The following SRCIN1 variants were observed in gnomAD, a reference collection of about 807,000 sequenced individuals.
SRCIN1 encodes the protein P130Cas-associated protein.
Under a neutral mutation model 116.2 loss-of-function variants are expected in SRCIN1, and 50 were observed. That is an observed-to-expected ratio of 0.43 (90% CI 0.34 to 0.54). The LOEUF is 0.54. Among genes scored for constraint, SRCIN1 ranks in the 20% least tolerant of loss-of-function variants. The pLI is 0.02. For missense variants in SRCIN1, 1,446 were observed against 1,672.0 expected, an observed-to-expected ratio of 0.86 and a Z score of 2.36; for synonymous variants, 736 against 750.0, an observed-to-expected ratio of 0.98 and a Z score of 0.30.
intron 1 of SRCIN1, among the ~76,000 whole-genome samples, chr17:38,591,254 CTCCT>C (rs1237159460): frequency 6.6e-6 from 1 of 152,232 alleles, no homozygotes; most frequent in Non-Finnish European, 1.5e-5. Context: ...TGTGGGGTTT[CTCCT>C]TCCTTAACAT....
Position 38,559,671 on chromosome 17 carries a change from G to T in SRCIN1, c.1939C>A (p.Arg647=). ...TPAGQPTAVS[R]LQMQLHLRGL... ...CGCAGGTGAAGCTGCATCTGCAGCC[G>T]GCTAACGGCGGTAGGCTGACCTGCG... Residue 647 remains arginine (R), a synonymous_variant, in exon 10 of 19, where the codon CGG becomes AGG. Coordinates refer to ENST00000617146, the MANE Select transcript of SRCIN1 (RefSeq NM_025248.3). 6.2e-7 allele frequency: 1 copy of T among 1,600,682 alleles called. No homozygotes were observed. The highest frequency in any genetic ancestry group is 8.5e-7 in the Non-Finnish European group (1 of 1,178,820).
rs1307575940 is a variant in SRCIN1 at position 38,560,444 on chromosome 17, T to C, written c.1701-19A>G. On this transcript the variant is annotated intron_variant, in intron 7 of 18. Transcript: ENST00000617146. ...GCGCTCCCTGGGGAGGAAGGGGGTCTGGGCAACCTCGCCTCTGAGCATAGG... is the reference window on the plus strand; with the variant it reads ...GCGCTCCCTGGGGAGGAAGGGGGTCCGGGCAACCTCGCCTCTGAGCATAGG... The C allele has an allele frequency of 1.3e-6, 2 of 1,595,930 alleles. No individual in the cohort carries two copies. Among genetic ancestry groups the C allele is most frequent in the Admixed American group, 1.7e-5 (1 of 57,720 alleles).
chr17:38,596,215 C>T (rs986707178), intron 1 of SRCIN1, among the ~76,000 whole-genome samples: 41 of 152,102 alleles, frequency 2.7e-4, no homozygotes, highest in African/African-American at 9.7e-4. Flanking sequence ...AGGAGGGGGC[C>T]GGGGCAGGGG....
rs1301774864 is a variant in SRCIN1 at position 38,563,029 on chromosome 17, G to GC, written c.741-110dup. 1 of 969,704 alleles carries GC rather than the reference G, an allele frequency of 1.0e-6. No individual in the cohort carries two copies. Among genetic ancestry groups the GC allele is most frequent in the Non-Finnish European group, 1.6e-6 (1 of 634,912 alleles). 60.1% of individuals were successfully genotyped at this position (969,704 alleles called of 1,614,324 possible). The stretch of plus-strand genomic sequence containing the variant: ...AGAGGGGTGGCCAGAGGCACCGGGA[G>GC]CCCCATCTCAGGCTGCCTGCACACA... On this transcript the variant is annotated intron_variant, in intron 5 of 18. Transcript: ENST00000617146. This position sits in a 1 kb window ranked among gnomAD's most constrained non-coding sequence, Gnocchi z 5.8.
At chr17:38,567,365 T>A (rs951707645) in intron 3 of SRCIN1, among the ~76,000 whole-genome samples, 5 of 152,210 alleles carry the variant, frequency 3.3e-5, no homozygotes, top group African/African-American at 1.2e-4. Flanking sequence ...GGCTCTTGGG[T>A]CCATGCGCTT....
chr17:38,538,413 T>C (rs1373984366), intron 18 of SRCIN1, among the ~76,000 whole-genome samples: 2 of 110,420 alleles, frequency 1.8e-5, no homozygotes, highest in Non-Finnish European at 3.3e-5. Context: ...TGAGACTCCG[T>C]CTCAAAAAAA....
At chr17:38,553,841 C>T (rs2143120618) in intron 11 of SRCIN1, among the ~76,000 whole-genome samples, 1 of 152,232 alleles carries the variant, frequency 6.6e-6, no homozygotes, top group East Asian at 1.9e-4. Context: ...CTCACTCTGC[C>T]CTTGCCAGAG....
chr17:38,568,527 G>C lies in SRCIN1; in HGVS notation c.325-296C>G, dbSNP rs1300185830. ...GAGCGAACCCATGAGGCAGTCACAA[G>C]AGAGGCAGCGACAAAGCTGAGCTGT... On this transcript the variant is annotated intron_variant, in intron 2 of 18. Transcript: ENST00000617146. This position sits in a 1 kb window ranked among gnomAD's most constrained non-coding sequence, Gnocchi z 4.5. Among the ~76,000 whole-genome samples the C allele has an allele frequency of 6.6e-6, 1 of 152,234 alleles. No homozygotes were observed. Among genetic ancestry groups the C allele is most frequent in the African/African-American group, 2.4e-5 (1 of 41,468 alleles).
chr17:38,606,538 C>T (rs1284724702), upstream of SRCIN1, among the ~76,000 whole-genome samples: 1 of 152,132 alleles, frequency 6.6e-6, no homozygotes, highest in Non-Finnish European at 1.5e-5. This position sits in a 1 kb window ranked among gnomAD's most constrained non-coding sequence, Gnocchi z 5.2. Flanking sequence ...GCCGCCTCGC[C>T]CCCGCTCCGG....
intron 11 of SRCIN1, among the ~76,000 whole-genome samples, chr17:38,553,663 A>G (rs1450615131): frequency 6.6e-6 from 1 of 152,044 alleles, no homozygotes; most frequent in Non-Finnish European, 1.5e-5. Context: ...GAGACCCTAC[A>G]TTCTTCTAAA....
rs1408370655 is a variant in SRCIN1 at position 38,568,756 on chromosome 17, G to T, written c.325-525C>A. On this transcript the variant is annotated intron_variant, in intron 2 of 18. Coordinates refer to ENST00000617146, the MANE Select transcript of SRCIN1 (RefSeq NM_025248.3). This position sits in a 1 kb window ranked among gnomAD's most constrained non-coding sequence, Gnocchi z 4.5. Reference sequence around the variant, plus strand: ...CGCAGCTGGGAAAGTAGCAGATTAGGCTGCAAAGGGTGGGAAGTGGGAGGC... The same window carrying T: ...CGCAGCTGGGAAAGTAGCAGATTAGTCTGCAAAGGGTGGGAAGTGGGAGGC... Among the ~76,000 whole-genome samples, 2 of 152,154 alleles carry T rather than the reference G, an allele frequency of 1.3e-5. No individual in the cohort carries two copies. The highest frequency in any genetic ancestry group is 4.8e-5 in the African/African-American group (2 of 41,440).
chr17:38,571,057 A>G (rs551789105), intron 2 of SRCIN1, among the ~76,000 whole-genome samples: 17 of 152,266 alleles, frequency 1.1e-4, no homozygotes, highest in African/African-American at 4.1e-4. Flanking sequence ...TCTCTTGGCC[A>G]CTCAGTGTCT....
chr17:38,543,259 A>G, intron 18 of SRCIN1: 1 of 453,724 alleles, frequency 2.2e-6, no homozygotes, highest in Admixed American at 2.4e-5. Flanking sequence ...CTGAAACCCA[A>G]ACACAAGGCT....
At chr17:38,536,591 G>C (rs113556756) in intron 18 of SRCIN1, among the ~76,000 whole-genome samples, 2,963 of 152,234 alleles carry the variant, frequency 0.019, 111 homozygotes, top group African/African-American at 0.066. Flanking sequence ...GTCCAGACAA[G>C]TGTGGAACCT....
rs375895405 is a variant in SRCIN1, at chr17:38,531,741, C to G, written c.*1556G>C. 5 of 152,520 alleles carry G rather than the reference C, an allele frequency of 3.3e-5. No homozygotes were observed. The highest frequency in any genetic ancestry group is 5.9e-5 in the Non-Finnish European group (4 of 68,016). 9.4% of individuals were successfully genotyped at this position (152,520 alleles called of 1,614,324 possible). ...GAAACACAACCCGTTTCCCCTCCCCCCAAACCTTCAACAGCTCCCAGCTCT... is the reference window on the plus strand; with the variant it reads ...GAAACACAACCCGTTTCCCCTCCCCGCAAACCTTCAACAGCTCCCAGCTCT... On this transcript the variant is annotated 3_prime_UTR_variant, in exon 19 of 19. Transcript: ENST00000617146.
chr17:38,557,508 C>T (rs1263175549), intron 11 of SRCIN1, among the ~76,000 whole-genome samples: 4 of 151,756 alleles, frequency 2.6e-5, no homozygotes, highest in Admixed American at 6.5e-5. Context: ...TTATCACTGG[C>T]GAGGGAAAGC....
In SRCIN1 at chr17:38,552,348, G is replaced by A; in HGVS notation, c.2480+99C>T. On this transcript the variant is annotated intron_variant, in intron 13 of 18. Coordinates refer to ENST00000617146, the MANE Select transcript of SRCIN1 (RefSeq NM_025248.3). The surrounding 1 kb of genome is among the most constrained non-coding windows in gnomAD (Gnocchi z 5.3). Reference sequence around the variant, plus strand: ...AGGTGCCAGTCCAGTCGGCACGCCAGTGACCTTTGGGGGAGTTGGGGTAAG... The same window carrying A: ...AGGTGCCAGTCCAGTCGGCACGCCAATGACCTTTGGGGGAGTTGGGGTAAG... The A allele has an allele frequency of 6.8e-7, 1 of 1,481,016 alleles. No homozygotes were observed. Among genetic ancestry groups the A allele is most frequent in the Non-Finnish European group, 9.0e-7 (1 of 1,114,064 alleles). 91.7% of individuals were successfully genotyped at this position (1,481,016 alleles called of 1,614,324 possible). A position where few individuals can be genotyped will look rare whatever the true frequency, so the allele number is the denominator to read the frequency against.
At chr17:38,553,934 AG>A (rs1367860506) in intron 11 of SRCIN1, among the ~76,000 whole-genome samples, 1 of 152,180 alleles carries the variant, frequency 6.6e-6, no homozygotes, top group Admixed American at 6.5e-5. Context: ...GCTCCCCGCT[AG>A]GCATGGTGGT....
In SRCIN1 at chr17:38,553,977, C is replaced by T. The variant is rs949604088; in HGVS notation, c.2202-1122G>A. 4.6e-5 allele frequency among the ~76,000 whole-genome samples: 7 copies of T among 152,136 alleles called. 1 individual carries two copies. Among genetic ancestry groups the T allele is most frequent in the Non-Finnish European group, 1.0e-4 (7 of 68,022 alleles). ...CTATAACCTCAGCACTTTGGGAGGC[C>T]GAGGTGGGCTGATCACCTGAGGTCA... On this transcript the variant is annotated intron_variant, in intron 11 of 18. Transcript: ENST00000617146.
Sources: allele counts gnomAD v4.1 joint callset (sites outside exome capture counted in the v4.1 genomes callset), GRCh38; gene constraint gnomAD v4.1.1; non-coding constraint Gnocchi (gnomAD v3.1); transcripts MANE v1.5; gene names NCBI Gene and HGNC (gene_info 2026-07-23, HGNC 2026-07-21).